Variants in FEM1C observed in about 807,000 individuals in gnomAD.
FEM1C encodes protein fem-1 homolog C.
A neutral mutation model predicts 37.6 loss-of-function variants in FEM1C; 15 were observed. That is an observed-to-expected ratio of 0.40 (90% CI 0.27 to 0.61). The LOEUF is 0.61. FEM1C is among the 20% of genes least tolerant of loss of function. FEM1C has a pLI of 0.42. For synonymous variants in FEM1C, 287 were observed against 272.8 expected (o/e 1.05, Z -0.51); for missense variants, 532 against 749.7 (o/e 0.71, Z 3.39).
At chr5:115,531,216 T>C (rs1245331575) in intron 2 of FEM1C, among the ~76,000 whole-genome samples, 2 of 152,098 alleles carry the variant, frequency 1.3e-5, no homozygotes, top group East Asian at 1.9e-4. Flanking sequence ...ATAAATTATA[T>C]CTAATATAAA....
chr5:115,543,707 C>A (rs1233190907), intron 1 of FEM1C, 24 bp from the exon 2 acceptor site: 21 of 1,347,372 alleles, frequency 1.6e-5, no homozygotes, highest in Non-Finnish European at 2.0e-5. Flanking sequence ...AAAAAAGTAG[C>A]AGCATTTAAT....
chr5:115,543,888 G>C lies in FEM1C; in HGVS notation c.-190-205C>G, dbSNP rs1754297029. Reference sequence around the variant, plus strand: ...CAGAGACCCAAATGTTCTGGTCGCAGGCAGTCTCCTCCATGTGCGGAAAAT... The same window carrying C: ...CAGAGACCCAAATGTTCTGGTCGCACGCAGTCTCCTCCATGTGCGGAAAAT... On this transcript the variant is annotated intron_variant, in intron 1 of 2. Coordinates refer to ENST00000274457, the MANE Select transcript of FEM1C (RefSeq NM_020177.3). 4.1e-6 allele frequency: 4 copies of C among 985,066 alleles called. No homozygotes were observed. In the African/African-American group the frequency reaches 7.0e-5, roughly 17 times the overall value. The allele number at this position is 985,066 out of a possible 1,614,324, so 61.0% of individuals were successfully genotyped here.
chr5:115,525,288 G>C lies in FEM1C; in HGVS notation c.874C>G (p.Leu292Val). Residue 292 changes from leucine (L) to valine (V), a missense_variant, in exon 3 of 3, where the codon CTA (leucine) becomes GTA (valine). Leu to Val is a conservative substitution (Grantham distance 32). Around this residue, in one of 3 missense-constraint regions of FEM1C, gnomAD observed 221 missense variants for 404.1 expected, o/e 0.55. Transcript: ENST00000274457. ...TTGGCATAATCATAAGCCATTATTA[G>C]TGTCTGTGGCACTGGTTTACTAATA... ...NIISKPVPQT[L>V]IMAYDYAKEV... The C allele has an allele frequency of 1.2e-6, 2 of 1,613,668 alleles. No homozygotes were observed. The highest frequency in any genetic ancestry group is 1.7e-6 in the Non-Finnish European group (2 of 1,179,820).
Position 115,543,634 on chromosome 5 carries a change from A to G in FEM1C, c.-141T>C, listed in dbSNP as rs1754289379. On this transcript the variant is annotated 5_prime_UTR_variant, in exon 2 of 3. Coordinates refer to ENST00000274457, the MANE Select transcript of FEM1C (RefSeq NM_020177.3). ...CCAGAACGGATACACAACCACGAAG[A>G]GTATGTTCCGTCCTACTGCTTTCCA... 1 of 1,436,348 alleles carries G rather than the reference A, an allele frequency of 7.0e-7. No homozygotes were observed. Among genetic ancestry groups the G allele is most frequent in the Non-Finnish European group, 9.1e-7 (1 of 1,101,054 alleles). 89.0% of individuals were successfully genotyped at this position (1,436,348 alleles called of 1,614,324 possible).
In FEM1C at chr5:115,522,289, G is replaced by T. The variant is rs1487277247; in HGVS notation, c.*2019C>A. The stretch of plus-strand genomic sequence containing the variant: ...ATATAATTCTTATACCACAAAGTTA[G>T]AGGCAGATGATTTCAAGATACTGAC... On this transcript the variant is annotated 3_prime_UTR_variant, in exon 3 of 3. Transcript: ENST00000274457. 6.6e-6 allele frequency: 1 copy of T among 151,840 alleles called. No individual in the cohort carries two copies. Among genetic ancestry groups the T allele is most frequent in the Non-Finnish European group, 1.5e-5 (1 of 67,850 alleles). 9.4% of individuals were successfully genotyped at this position (151,840 alleles called of 1,614,324 possible).
At chr5:115,541,666 TAG>T (rs1242014908) in intron 2 of FEM1C, among the ~76,000 whole-genome samples, 1 of 152,102 alleles carries the variant, frequency 6.6e-6, no homozygotes, top group Non-Finnish European at 1.5e-5. Flanking sequence ...TATCAACCAA[TAG>T]AGACTAGATA....
intron 2 of FEM1C, among the ~76,000 whole-genome samples, chr5:115,535,446 A>G (rs889822683): frequency 6.6e-6 from 1 of 151,986 alleles, no homozygotes; most frequent in Admixed American, 6.6e-5. Flanking sequence ...TCCTCCAAAG[A>G]AAATAGAGAC....
intron 2 of FEM1C, among the ~76,000 whole-genome samples, chr5:115,531,289 A>G (rs144110303): frequency 2.0e-5 from 3 of 152,224 alleles, no homozygotes; most frequent in East Asian, 3.9e-4. Flanking sequence ...AACTTTCACA[A>G]TTTCTCTAAG....
chr5:115,535,306 A>G lies in FEM1C; in HGVS notation c.544+7644T>C, dbSNP rs531619228. The stretch of plus-strand genomic sequence containing the variant: ...AGTTAAAAAAAAAAAAAACAAACAC[A>G]GAATGAGAGAAAATATTTGCAAATG... On this transcript the variant is annotated intron_variant, in intron 2 of 2. Coordinates refer to ENST00000274457, the MANE Select transcript of FEM1C (RefSeq NM_020177.3). Among the ~76,000 whole-genome samples the G allele has an allele frequency of 2.6e-5, 4 of 151,014 alleles. No homozygotes were observed. The South Asian group carries it at 8.3e-4, about 31-fold the overall frequency.
rs1184633728 is a variant in FEM1C at position 115,521,085 on chromosome 5, AAAAAAAAGAAAAAG to A, written c.*3209_*3222del. The A allele has an allele frequency of 6.6e-6, 1 of 151,708 alleles. No homozygotes were observed. Among genetic ancestry groups the A allele is most frequent in the Non-Finnish European group, 1.5e-5 (1 of 67,652 alleles). The allele number at this position is 151,708 out of a possible 1,614,324, so 9.4% of individuals were successfully genotyped here. ...TTTAGTGACACATAAGGGCAAAAAA[AAAAAAAAGAAAAAG>A]AAAAAAAGAAAATGATGATGACCAA... On this transcript the variant is annotated 3_prime_UTR_variant, in exon 3 of 3. Transcript: ENST00000274457.
Position 115,543,265 on chromosome 5 carries a change from CA to C in FEM1C, c.228del (p.Phe76LeufsTer21). On this transcript the variant is annotated frameshift_variant, in exon 2 of 3. Transcript: ENST00000274457. LOFTEE classifies it high-confidence loss of function. ...GGAGCCCCCTCAATGGTTTCGCCAT[CA>C]AAATTGACGGAGCCCCCAACTTCTA... The part of the protein sequence containing the change: ...ASIEVGGSVN[F>X]DGETIEGAPP... 1 of 1,614,170 alleles carries C rather than the reference CA, an allele frequency of 6.2e-7. No homozygotes were observed.
At chr5:115,534,983 G>A (rs1754094459) in intron 2 of FEM1C, among the ~76,000 whole-genome samples, 1 of 151,822 alleles carries the variant, frequency 6.6e-6, no homozygotes. Context: ...AATTTAAAAG[G>A]AGGGCTAGGT....
Position 115,524,878 on chromosome 5 carries a change from T to G in FEM1C, c.1284A>C (p.Gln428His). Residue 428 changes from glutamine (Q) to histidine (H), a missense_variant, in exon 3 of 3, where the codon CAA becomes CAC. Gln to His is a conservative substitution (Grantham distance 24). Transcript: ENST00000274457. ...SVLEIERAIK[Q>H]TQCPADPLQL... ...GTAATGGGTCAGCTGGACACTGAGT[T>G]TGTTTGATAGCTCGCTCTATTTCAA... 6.2e-7 allele frequency: 1 copy of G among 1,613,690 alleles called. No homozygotes were observed. Among genetic ancestry groups the G allele is most frequent in the Non-Finnish European group, 8.5e-7 (1 of 1,179,798 alleles).
At chr5:115,537,551 C>T (rs1380395157) in intron 2 of FEM1C, among the ~76,000 whole-genome samples, 1 of 151,998 alleles carries the variant, frequency 6.6e-6, no homozygotes, top group Non-Finnish European at 1.5e-5. Context: ...AACTAAGATA[C>T]TAATTCTTCC....
At chr5:115,526,236 T>C (rs1038125859) in intron 2 of FEM1C, among the ~76,000 whole-genome samples, 19 of 152,152 alleles carry the variant, frequency 1.2e-4, no homozygotes, top group Non-Finnish European at 2.5e-4. Context: ...TCAATATTTA[T>C]TTCTGATTGC....
rs1561555318 is a variant in FEM1C at position 115,524,043 on chromosome 5, C to T, written c.*265G>A. Reference sequence around the variant, plus strand: ...CCAAACACCCAACAGCAAACAAAACCAGAATGAATAAGCCTTTGGCAGACA... The same window carrying T: ...CCAAACACCCAACAGCAAACAAAACTAGAATGAATAAGCCTTTGGCAGACA... On this transcript the variant is annotated 3_prime_UTR_variant, in exon 3 of 3. Coordinates refer to ENST00000274457, the MANE Select transcript of FEM1C (RefSeq NM_020177.3). 1 of 347,160 alleles carries T rather than the reference C, an allele frequency of 2.9e-6. No individual in the cohort carries two copies. The highest frequency in any genetic ancestry group is 5.9e-5 in the East Asian group (1 of 16,852). The allele number at this position is 347,160 out of a possible 1,614,324, so 21.5% of individuals were successfully genotyped here.
At chr5:115,530,460 T>C (rs1307650107) in intron 2 of FEM1C, among the ~76,000 whole-genome samples, 2 of 152,132 alleles carry the variant, frequency 1.3e-5, no homozygotes, top group Non-Finnish European at 2.9e-5. Context: ...TAAACATATC[T>C]TTCTCAGTTT....
At chr5:115,539,544 T>C (rs2033678178) in intron 2 of FEM1C, among the ~76,000 whole-genome samples, 1 of 152,076 alleles carries the variant, frequency 6.6e-6, no homozygotes, top group Non-Finnish European at 1.5e-5. Context: ...TATCAAAGAT[T>C]TTCTCCCCTT....
chr5:115,526,313 G>A (rs185095034), intron 2 of FEM1C, among the ~76,000 whole-genome samples: 11 of 152,212 alleles, frequency 7.2e-5, no homozygotes, highest in South Asian at 2.1e-4. Context: ...AAAAGCTCTC[G>A]TAAGAAAAAC....
Sources: gnomAD v4.1 joint callset for allele counts (sites outside exome capture counted in the v4.1 genomes callset) on GRCh38, gnomAD v4.1.1 for gene constraint, gnomAD v4.1.1 regional missense constraint, MANE v1.5 for transcripts, NCBI Gene and HGNC (gene_info 2026-07-23, HGNC 2026-07-21) for gene names.